ABCC8: variants seen among roughly 807,000 people sequenced by gnomAD.
The protein encoded by ABCC8 is ATP-binding cassette sub-family C member 8.
In ABCC8, 137 loss-of-function variants were observed where a neutral mutation model predicts 188.0. The observed-to-expected ratio is 0.73, with a 90% CI of 0.63 to 0.84. The LOEUF is 0.84. Among genes scored for constraint, ABCC8 ranks in the 40% least tolerant of loss-of-function variants. The probability of loss-of-function intolerance (pLI) is 0.00; values close to 1 mark genes in which losing one functional copy is unlikely to be tolerated. For missense variants in ABCC8, 1,750 were observed against 2,072.7 expected (o/e 0.84, Z 3.02); for synonymous variants, 797 against 846.5 (o/e 0.94, Z 1.01).
intron 18 of ABCC8, 86 bp downstream of exon 18, chr11:17,415,218 C>T (rs894164435): frequency 7.1e-6 from 11 of 1,544,934 alleles, no homozygotes; most frequent in African/African-American, 5.4e-5. Flanking sequence ...CTGGGGGCTG[C>T]CCAGCAGGGT....
intron 18 of ABCC8, 136 bp from the exon 19 acceptor site, chr11:17,414,746 T>A: frequency 1.4e-6 from 2 of 1,471,532 alleles, no homozygotes; most frequent in Non-Finnish European, 1.8e-6. Flanking sequence ...CTGCTTAGTG[T>A]GGCCTCTGGT....
At position 17,463,523 on chromosome 11, in the gene ABCC8, G is replaced by C. The variant is rs758754046; in HGVS notation, c.494C>G (p.Ser165Trp). ...VKFLDHAIGFSQLRFCLTGLL... is the reference protein window; with the variant it reads ...VKFLDHAIGFWQLRFCLTGLL... ...CCCTGTGAGGCAGAAGCGTAGCTGC[G>C]AGAAGCCGATGGCGTGGTCCAAGAA... The change falls in exon 4 of 39, where the codon TCG becomes TGG. Residue 165 changes from serine to tryptophan, a missense_variant. Physicochemically the swap from Ser to Trp is radical, Grantham distance 177. Transcript: ENST00000389817. The C allele has an allele frequency of 1.3e-6, 2 of 1,599,462 alleles. No homozygotes were observed. Among genetic ancestry groups the C allele is most frequent in the South Asian group, 1.1e-5 (1 of 88,210 alleles).
In ABCC8 at chr11:17,404,167, C is replaced by G. The variant is rs1326188198; in HGVS notation, c.3557+345G>C. ...GGTGCCCGCCGATTTCATGCATCAGCAATCAGCCTGACCACTAGAATGATG... is the reference window on the plus strand; with the variant it reads ...GGTGCCCGCCGATTTCATGCATCAGGAATCAGCCTGACCACTAGAATGATG... On this transcript the variant is annotated intron_variant, in intron 28 of 38. Transcript: ENST00000389817. This position sits in a 1 kb window ranked among gnomAD's most constrained non-coding sequence, Gnocchi z 4.7. Among the ~76,000 whole-genome samples, 1 of 152,174 alleles carries G rather than the reference C, an allele frequency of 6.6e-6. No homozygotes were observed. The highest frequency in any genetic ancestry group is 6.5e-5 in the Admixed American group (1 of 15,286).
Position 17,460,613 on chromosome 11 carries a change from C to A in ABCC8, c.886G>T (p.Gly296Trp), listed in dbSNP as rs148529020. Residue 296 changes from glycine to tryptophan, a missense_variant, in exon 6 of 39, where the codon GGG becomes TGG. Coordinates refer to ENST00000389817, the MANE Select transcript of ABCC8 (RefSeq NM_000352.6). The part of the protein sequence containing the change: ...AIWQALSHAF[G>W]RRLVLSSTFR... ...GTGCTGCTGAGGACCAGGCGCCTCC[C>A]GAAGGCATGGCTGAGTGCCTGCCAG... 6.2e-7 allele frequency: 1 copy of A among 1,612,962 alleles called. No individual in the cohort carries two copies.
At chr11:17,457,893 C>G (rs988296763) in intron 6 of ABCC8, among the ~76,000 whole-genome samples, 1 of 152,156 alleles carries the variant, frequency 6.6e-6, no homozygotes. Flanking sequence ...GCAGAAAAAA[C>G]GGCTTCCTCT....
intron 10 of ABCC8, among the ~76,000 whole-genome samples, chr11:17,436,920 C>T (rs1349550793): frequency 6.6e-6 from 1 of 152,018 alleles, no homozygotes; most frequent in East Asian, 1.9e-4. Flanking sequence ...GAAACCCCAT[C>T]TCTACTAAAA....
intron 5 of ABCC8, 21 bp from the exon 6 acceptor site, chr11:17,460,697 C>T (rs377175418): frequency 1.0e-5 from 16 of 1,604,030 alleles, no homozygotes; most frequent in African/African-American, 1.3e-5. Context: ...AGACCATGGC[C>T]AGGTCAGAGT....
chr11:17,429,507 T>C (rs1955748533), intron 12 of ABCC8: 1 of 152,218 alleles, frequency 6.6e-6, no homozygotes. Context: ...CCCTCATCTC[T>C]TGGGGTGAAG....
At chr11:17,440,353 C>A (rs1183103301) in intron 10 of ABCC8, among the ~76,000 whole-genome samples, 2 of 152,202 alleles carry the variant, frequency 1.3e-5, no homozygotes, top group African/African-American at 4.8e-5. Context: ...CAGGGGGTTA[C>A]TCTTCATGTA....
rs1236651678 is a variant in ABCC8 at position 17,427,090 on chromosome 11, C to T, written c.2181G>A (p.Leu727=). 6.2e-7 allele frequency: 1 copy of T among 1,614,012 alleles called. No individual in the cohort carries two copies. ...CCCCTGAGACCTTCTGCATCTCCCC[C>T]AGTGCGGCTAGAAGGAGCGAGGACT... ...CGKSSLLLAA[L]GEMQKVSGAV... Residue 727 remains leucine, a synonymous_variant, in exon 16 of 39, where the codon CTG becomes CTA. Transcript: ENST00000389817. The surrounding 1 kb of genome is among the most constrained non-coding windows in gnomAD (Gnocchi z 5.0).
intron 20 of ABCC8, 192 bp from the exon 21 acceptor site, chr11:17,412,938 C>T: frequency 7.8e-7 from 1 of 1,279,870 alleles, no homozygotes; most frequent in East Asian, 2.6e-5. Flanking sequence ...GCATGAGCCC[C>T]AAGTCTTTAA....
intron 10 of ABCC8, among the ~76,000 whole-genome samples, chr11:17,435,367 G>A (rs1442905304): frequency 6.6e-6 from 1 of 152,074 alleles, no homozygotes; most frequent in African/African-American, 2.4e-5. Context: ...GCCAAAAGCT[G>A]ACCCTCAGCA....
chr11:17,433,630 A>G (rs913297336), intron 10 of ABCC8, among the ~76,000 whole-genome samples: 2 of 152,228 alleles, frequency 1.3e-5, no homozygotes, highest in Admixed American at 1.3e-4. Context: ...TCCAGATACA[A>G]TGGGGAGACA....
intron 8 of ABCC8, among the ~76,000 whole-genome samples, chr11:17,445,306 G>A (rs1402914869): frequency 1.3e-5 from 2 of 152,034 alleles, no homozygotes; most frequent in South Asian, 2.1e-4. Context: ...GTAGATAAAC[G>A]GTGGCCAAGG....
chr11:17,450,403 C>CTTTT (rs71885763), intron 7 of ABCC8, among the ~76,000 whole-genome samples: 3 of 44,852 alleles, frequency 6.7e-5, no homozygotes, highest in African/African-American at 6.8e-5. Context: ...TCTTTCTTTC[C>CTTTT]TTTTTTTTTT....
At chr11:17,448,988 A>G (rs190432207) in intron 7 of ABCC8, among the ~76,000 whole-genome samples, 3 of 152,324 alleles carry the variant, frequency 2.0e-5, no homozygotes, top group Non-Finnish European at 2.9e-5. Context: ...GTGAAGTGGC[A>G]TGATCTCAGC....
chr11:17,406,865 C>T, intron 25 of ABCC8, 23 bp downstream of exon 25: 1 of 1,614,074 alleles, frequency 6.2e-7, no homozygotes, highest in East Asian at 2.2e-5. Flanking sequence ...CTCCCAACCT[C>T]TGCCATGGGC....
intron 12 of ABCC8, chr11:17,430,194 C>T: frequency 6.2e-6 from 1 of 160,822 alleles, no homozygotes; most frequent in Admixed American, 5.7e-5. Flanking sequence ...GCCAAAGCCT[C>T]AGCCTTCTAC....
At chr11:17,411,490 T>C (rs901890778) in intron 21 of ABCC8, among the ~76,000 whole-genome samples, 1 of 152,184 alleles carries the variant, frequency 6.6e-6, no homozygotes, top group African/African-American at 2.4e-5. Flanking sequence ...CACTGTGAAG[T>C]GTCTTTAGTA....
Sources: gnomAD v4.1 joint callset for allele counts (sites outside exome capture counted in the v4.1 genomes callset) on GRCh38, gnomAD v4.1.1 for gene constraint, Gnocchi (gnomAD v3.1) non-coding constraint, MANE v1.5 for transcripts, NCBI Gene and HGNC (gene_info 2026-07-23, HGNC 2026-07-21) for gene names.